Variants in GYPE observed in about 807,000 individuals in gnomAD.
GYPE encodes the protein glycophorin-E.
A neutral mutation model predicts 11.6 loss-of-function variants in GYPE; 8 were observed. The observed-to-expected ratio is 0.69, with a 90% CI of 0.41 to 1.25. The LOEUF is 1.25. GYPE is among the 50% of genes most tolerant of loss of function. The pLI is 0.01. For synonymous variants in GYPE, 28 were observed against 29.6 expected (o/e 0.94, Z 0.18); for missense variants, 90 against 92.8 (o/e 0.97, Z 0.12).
rs141390460 is a variant in GYPE, at chr4:143,905,270, G to A, written c.37+201C>T. On this transcript the variant is annotated intron_variant, in intron 1 of 3. Coordinates refer to ENST00000358615, the MANE Select transcript of GYPE (RefSeq NM_198682.3). ...CTTCTCATACTAGAAAACTGGATTCGGCCATAAATACTGGGCTCCCTTGTG... is the reference window on the plus strand; with the variant it reads ...CTTCTCATACTAGAAAACTGGATTCAGCCATAAATACTGGGCTCCCTTGTG... 8.4e-3 allele frequency among the ~76,000 whole-genome samples: 1,281 copies of A among 152,132 alleles called. 23 individuals carry two copies. Among genetic ancestry groups the A allele is most frequent in the African/African-American group, 0.029 (1,216 of 41,492 alleles).
intron 1 of GYPE, among the ~76,000 whole-genome samples, chr4:143,885,130 A>C (rs1382212194): frequency 1.3e-5 from 2 of 152,030 alleles, no homozygotes; most frequent in African/African-American, 4.8e-5. Context: ...CCTTTGGTGG[A>C]GAAGCCCTAT....
rs769380559 is a variant in GYPE, at chr4:143,880,461, G to T, written c.86C>A (p.Thr29Asn). ...ASSTTGVAMH[T>N]STSSSVTKSY... ...CTTTGTGACTGAAGAAGAGGTTGAAGTGTGCATTGCCACACCAGTGGTACT... is the reference window on the plus strand; with the variant it reads ...CTTTGTGACTGAAGAAGAGGTTGAATTGTGCATTGCCACACCAGTGGTACT... Residue 29 changes from threonine to asparagine, a missense_variant, in exon 2 of 4, where the codon ACT becomes AAT. Thr to Asn is a moderately conservative substitution (Grantham distance 65). Coordinates refer to ENST00000358615, the MANE Select transcript of GYPE (RefSeq NM_198682.3). The T allele has an allele frequency of 3.7e-6, 6 of 1,613,886 alleles. No individual in the cohort carries two copies. The highest frequency in any genetic ancestry group is 1.7e-6 in the Non-Finnish European group (2 of 1,179,864).
At chr4:143,880,287 T>G in intron 2 of GYPE, 124 bp downstream of exon 2, 1 of 1,473,554 alleles carries the variant, frequency 6.8e-7, no homozygotes, top group South Asian at 1.2e-5. Context: ...TAGTAGGCTG[T>G]GTCTACTTAG....
At chr4:143,900,994 C>A (rs554433159) in intron 1 of GYPE, among the ~76,000 whole-genome samples, 3 of 152,270 alleles carry the variant, frequency 2.0e-5, no homozygotes, top group Non-Finnish European at 4.4e-5. Flanking sequence ...TATTTTACTA[C>A]AATTTTAAAA....
rs1297491074 is a variant in GYPE, at chr4:143,895,634, T to C, written c.37+9837A>G. 1.4e-5 allele frequency among the ~76,000 whole-genome samples: 2 copies of C among 145,130 alleles called. 1 individual carries two copies. Among genetic ancestry groups the C allele is most frequent in the Non-Finnish European group, 3.0e-5 (2 of 66,170 alleles). On this transcript the variant is annotated intron_variant, in intron 1 of 3. Coordinates refer to ENST00000358615, the MANE Select transcript of GYPE (RefSeq NM_198682.3). ...CCCCATCAAGCTACCAATGACTTTC[T>C]TCACAGAATTTGAAAAAACTACTTT...
In GYPE at chr4:143,899,820, G is replaced by C. The variant is rs181054864; in HGVS notation, c.37+5651C>G. On this transcript the variant is annotated intron_variant, in intron 1 of 3. Transcript: ENST00000358615. Reference sequence around the variant, plus strand: ...AAAAATTAACTGATAATAAACCAAAGATCTAAATATAAGAGAAGAACTACA... The same window carrying C: ...AAAAATTAACTGATAATAAACCAAACATCTAAATATAAGAGAAGAACTACA... 1.3e-3 allele frequency among the ~76,000 whole-genome samples: 36 copies of C among 28,472 alleles called. 3 individuals are homozygous for C. Among genetic ancestry groups the C allele is most frequent in the African/African-American group, 2.0e-3 (35 of 17,246 alleles). The allele number at this position is 28,472 out of a possible 152,430, so 18.7% of individuals were successfully genotyped here. A position where few individuals can be genotyped will look rare whatever the true frequency, so the allele number is the denominator to read the frequency against.
At chr4:143,873,641 G>C (rs1743691905) in intron 3 of GYPE, among the ~76,000 whole-genome samples, 1 of 152,162 alleles carries the variant, frequency 6.6e-6, no homozygotes, top group African/African-American at 2.4e-5. Flanking sequence ...ATGCTCCATT[G>C]AGTGATGTTC....
intron 1 of GYPE, among the ~76,000 whole-genome samples, chr4:143,897,120 C>T (rs1744682746): frequency 6.6e-6 from 1 of 151,898 alleles, no homozygotes. Context: ...AACTAACCGG[C>T]ACATTGTGCA....
chr4:143,878,351 T>C (rs1743888169), intron 2 of GYPE, among the ~76,000 whole-genome samples: 1 of 152,150 alleles, frequency 6.6e-6, no homozygotes, highest in Non-Finnish European at 1.5e-5. Flanking sequence ...GCCCAGGCTG[T>C]TCTCATATTC....
At chr4:143,891,329 C>CT (rs747618657) in intron 1 of GYPE, among the ~76,000 whole-genome samples, 1,665 of 117,870 alleles carry the variant, frequency 0.014, 104 homozygotes, top group African/African-American at 0.031. Context: ...TTTTTTGTTT[C>CT]TTTTTTTTTT....
intron 3 of GYPE, among the ~76,000 whole-genome samples, chr4:143,876,237 C>T (rs1048315528): frequency 3.3e-5 from 5 of 152,074 alleles, no homozygotes; most frequent in Non-Finnish European, 7.4e-5. Flanking sequence ...CTTCAGCCCC[C>T]TGAGTGGCTG....
chr4:143,899,216 G>C (rs1744773300), intron 1 of GYPE, among the ~76,000 whole-genome samples: 1 of 149,222 alleles, frequency 6.7e-6, no homozygotes, highest in Non-Finnish European at 1.5e-5. Flanking sequence ...AATGTTGTAA[G>C]AGTAACGGAG....
intron 1 of GYPE, among the ~76,000 whole-genome samples, chr4:143,896,267 G>T (rs1481775259): frequency 2.0e-5 from 3 of 151,994 alleles, no homozygotes; most frequent in Admixed American, 1.3e-4. Context: ...ATCTGACAAA[G>T]GGCTAATATC....
chr4:143,899,107 CAGTT>C (rs1236737104), intron 1 of GYPE, among the ~76,000 whole-genome samples: 4 of 147,726 alleles, frequency 2.7e-5, no homozygotes, highest in East Asian at 3.9e-4. Context: ...AACAGCCACA[CAGTT>C]AGAGTTCCTT....
chr4:143,880,555 G>A (rs767470683), intron 1 of GYPE, 46 bp from the exon 2 acceptor site: 22 of 1,612,874 alleles, frequency 1.4e-5, no homozygotes, highest in Non-Finnish European at 1.7e-5. Flanking sequence ...CGAGGTGACT[G>A]AGCGGACCAT....
At chr4:143,885,417 TTTC>T (rs1238254076) in intron 1 of GYPE, among the ~76,000 whole-genome samples, 1 of 152,176 alleles carries the variant, frequency 6.6e-6, no homozygotes, top group African/African-American at 2.4e-5. Flanking sequence ...GGTAGACTTC[TTTC>T]TTCTTCAACA....
rs561068619 is a variant in GYPE, at chr4:143,879,727, G to C, written c.136+684C>G. ...TCTGCATATAAGAGAAGTTGAGAAA[G>C]GGAACAAGAATGAGGTGACTGCGTG... On this transcript the variant is annotated intron_variant, in intron 2 of 3. Coordinates refer to ENST00000358615, the MANE Select transcript of GYPE (RefSeq NM_198682.3). 1.4e-3 allele frequency among the ~76,000 whole-genome samples: 211 copies of C among 152,264 alleles called. 1 individual carries two copies. Among genetic ancestry groups the C allele is most frequent in the African/African-American group, 4.9e-3 (202 of 41,542 alleles).
intron 1 of GYPE, among the ~76,000 whole-genome samples, chr4:143,880,978 A>C (rs1032803145): frequency 8.5e-5 from 13 of 152,186 alleles, no homozygotes; most frequent in Non-Finnish European, 1.8e-4. Context: ...CTATGCTAAG[A>C]AAGGTGGAAG....
chr4:143,898,213 C>T (rs575650819), intron 1 of GYPE, among the ~76,000 whole-genome samples: 2 of 152,098 alleles, frequency 1.3e-5, no homozygotes, highest in Non-Finnish European at 2.9e-5. Flanking sequence ...CCCGTCTCTA[C>T]TAAAATACAA....
Sources: gnomAD v4.1 joint callset for allele counts (sites outside exome capture counted in the v4.1 genomes callset) on GRCh38, gnomAD v4.1.1 for gene constraint, MANE v1.5 for transcripts, NCBI Gene and HGNC (gene_info 2026-07-23, HGNC 2026-07-21) for gene names.